The following PRR5L variants were observed in gnomAD, a reference collection of about 807,000 sequenced individuals.
PRR5L encodes proline rich 5 like.
In PRR5L, 21 loss-of-function variants were observed where a neutral mutation model predicts 36.4. The ratio of observed to expected loss-of-function variants is 0.58; its 90% CI spans 0.41 to 0.83. PRR5L has a LOEUF of 0.83. PRR5L is among the 40% of genes least tolerant of loss of function. PRR5L has a pLI of 0.00. For synonymous variants in PRR5L, 188 were observed against 197.0 expected, an observed-to-expected ratio of 0.95 and a Z score of 0.38; for missense variants, 381 against 473.3, an observed-to-expected ratio of 0.80 and a Z score of 1.81.
At chr11:36,309,835 A>G (rs1006243197) in intron 1 of PRR5L, among the ~76,000 whole-genome samples, 3 of 152,052 alleles carry the variant, frequency 2.0e-5, no homozygotes, top group African/African-American at 7.3e-5. Context: ...CAAGTCCACC[A>G]TAATGACAAC....
chr11:36,315,502 C>T (rs1326195768), intron 1 of PRR5L, among the ~76,000 whole-genome samples: 1 of 152,208 alleles, frequency 6.6e-6, no homozygotes, highest in Non-Finnish European at 1.5e-5. Context: ...AGTCCATAAA[C>T]TTACTAATAA....
intron 1 of PRR5L, among the ~76,000 whole-genome samples, chr11:36,330,258 C>T (rs1261794736): frequency 6.6e-6 from 1 of 152,094 alleles, no homozygotes; most frequent in Non-Finnish European, 1.5e-5. Flanking sequence ...AAAGGGGTTC[C>T]TTATATCCCC....
At chr11:36,440,500 T>G (rs1375023220) in intron 6 of PRR5L, among the ~76,000 whole-genome samples, 1 of 152,124 alleles carries the variant, frequency 6.6e-6, no homozygotes, top group East Asian at 1.9e-4. Context: ...TAACTACCCA[T>G]GCCCAGTCTA....
intron 1 of PRR5L, among the ~76,000 whole-genome samples, chr11:36,348,449 C>T (rs1196072927): frequency 1.3e-5 from 2 of 152,142 alleles, no homozygotes; most frequent in Admixed American, 6.5e-5. Context: ...CCGAATCCCA[C>T]TCCTGCTTTA....
At chr11:36,458,123 C>T (rs1460619480) in intron 8 of PRR5L, among the ~76,000 whole-genome samples, 3 of 152,190 alleles carry the variant, frequency 2.0e-5, no homozygotes, top group Admixed American at 1.3e-4. Context: ...TGCTCCTTGG[C>T]GTTTTGTCTC....
In PRR5L at chr11:36,449,212, G is replaced by A. The variant is rs145427872; in HGVS notation, c.586-1997G>A. On this transcript the variant is annotated intron_variant, in intron 7 of 8. Coordinates refer to ENST00000530639, the MANE Select transcript of PRR5L (RefSeq NM_001160167.2). ...AGGGCGATGGCCTCTGGATCTGAATGGAACTTCCAGGTGGCACTGCCCTGG... is the reference window on the plus strand; with the variant it reads ...AGGGCGATGGCCTCTGGATCTGAATAGAACTTCCAGGTGGCACTGCCCTGG... Among the ~76,000 whole-genome samples, 1,345 of 152,330 alleles carry A rather than the reference G, an allele frequency of 8.8e-3. 18 individuals carry two copies. Among genetic ancestry groups the A allele is most frequent in the African/African-American group, 0.029 (1,196 of 41,574 alleles).
chr11:36,309,589 T>C (rs1856473024), intron 1 of PRR5L, among the ~76,000 whole-genome samples: 1 of 548 alleles, frequency 1.8e-3, no homozygotes, highest in Non-Finnish European at 4.9e-3. Context: ...CATTCCTTAT[T>C]TGGAACCAAG....
Position 36,360,557 on chromosome 11 carries a change from A to G in PRR5L, c.-125-40440A>G, listed in dbSNP as rs146154887. 6.0e-3 allele frequency among the ~76,000 whole-genome samples: 911 copies of G among 152,292 alleles called. 13 individuals carry two copies. Among genetic ancestry groups the G allele is most frequent in the African/African-American group, 0.021 (881 of 41,556 alleles). ...ACAAAGGGGTATGTGCACATGTAACATCGCACATGTAACACACACACCCAC... is the reference window on the plus strand; with the variant it reads ...ACAAAGGGGTATGTGCACATGTAACGTCGCACATGTAACACACACACCCAC... On this transcript the variant is annotated intron_variant, in intron 1 of 8. Coordinates refer to ENST00000530639, the MANE Select transcript of PRR5L (RefSeq NM_001160167.2).
chr11:36,421,348 G>A (rs546621422), intron 4 of PRR5L, among the ~76,000 whole-genome samples: 4 of 152,292 alleles, frequency 2.6e-5, no homozygotes, highest in East Asian at 1.9e-4. Context: ...TACTGCTTAC[G>A]AAGCATGCCA....
chr11:36,437,544 C>T (rs1858630606), intron 6 of PRR5L, 68 bp downstream of exon 6: 1 of 901,112 alleles, frequency 1.1e-6, no homozygotes, highest in Non-Finnish European at 1.7e-6. Flanking sequence ...CCCTTGCGGC[C>T]TGAGGGCTCC....
chr11:36,412,263 G>A (rs536381776), intron 3 of PRR5L, among the ~76,000 whole-genome samples: 3 of 152,080 alleles, frequency 2.0e-5, no homozygotes, highest in Non-Finnish European at 4.4e-5. Flanking sequence ...GGATATTATT[G>A]CTGCTTACAG....
chr11:36,374,493 G>C (rs191785341), intron 1 of PRR5L, among the ~76,000 whole-genome samples: 2 of 152,090 alleles, frequency 1.3e-5, no homozygotes, highest in East Asian at 3.9e-4. Context: ...GGAGGGAGGG[G>C]CGAATTACAA....
At chr11:36,435,638 A>C (rs777739578) in intron 5 of PRR5L, among the ~76,000 whole-genome samples, 1 of 152,226 alleles carries the variant, frequency 6.6e-6, no homozygotes, top group Non-Finnish European at 1.5e-5. Context: ...TGACAGGAAT[A>C]CAAAAGAGAG....
intron 3 of PRR5L, among the ~76,000 whole-genome samples, chr11:36,418,749 T>C (rs987542173): frequency 3.3e-5 from 5 of 152,044 alleles, no homozygotes; most frequent in Non-Finnish European, 7.4e-5. Flanking sequence ...TGAGCCAAGA[T>C]TGCGCCACTG....
intron 3 of PRR5L, among the ~76,000 whole-genome samples, chr11:36,404,687 C>G (rs1857873890): frequency 6.6e-6 from 1 of 152,098 alleles, no homozygotes; most frequent in African/African-American, 2.4e-5. Flanking sequence ...TTGTTCTGTT[C>G]CTGTTTACTG....
At chr11:36,405,092 G>A (rs1857881331) in intron 3 of PRR5L, among the ~76,000 whole-genome samples, 1 of 152,164 alleles carries the variant, frequency 6.6e-6, no homozygotes. Context: ...AGCTCTGTTT[G>A]TGGACAGCTG....
At chr11:36,401,383 A>G in intron 2 of PRR5L, 98 bp downstream of exon 2, 2 of 1,226,178 alleles carry the variant, frequency 1.6e-6, no homozygotes, top group Non-Finnish European at 2.3e-6. Flanking sequence ...GATTCTGGGA[A>G]GGCCGTGATT....
chr11:36,310,883 G>C (rs1856494485), intron 1 of PRR5L, among the ~76,000 whole-genome samples: 1 of 151,026 alleles, frequency 6.6e-6, no homozygotes, highest in African/African-American at 2.4e-5. Flanking sequence ...TGTAATCCCA[G>C]CTACTCGGGA....
intron 1 of PRR5L, among the ~76,000 whole-genome samples, chr11:36,397,223 G>A (rs1352677709): frequency 2.0e-5 from 3 of 149,960 alleles, no homozygotes; most frequent in Admixed American, 6.7e-5. Context: ...ACGCCAACAC[G>A]CCCAGCTAAT....
Sources: gnomAD v4.1 joint callset for allele counts (sites outside exome capture counted in the v4.1 genomes callset) on GRCh38, gnomAD v4.1.1 for gene constraint, MANE v1.5 for transcripts, NCBI Gene and HGNC (gene_info 2026-07-23, HGNC 2026-07-21) for gene names.